DAPK1: variants seen among roughly 807,000 people sequenced by gnomAD.
DAPK1 encodes death-associated protein kinase 1.
In DAPK1, 56 loss-of-function variants were observed where a neutral mutation model predicts 144.9. The ratio of observed to expected loss-of-function variants is 0.39; its 90% CI spans 0.31 to 0.48. DAPK1 has a LOEUF of 0.48. Among genes scored for constraint, DAPK1 ranks in the 20% least tolerant of loss-of-function variants. The pLI is 0.95. For missense variants in DAPK1, 1,454 were observed against 1,875.4 expected (o/e 0.78, Z 4.15); for synonymous variants, 690 against 749.0 (o/e 0.92, Z 1.29).
chr9:87,614,746 G>A (rs1829038636), intron 3 of DAPK1, among the ~76,000 whole-genome samples: 3 of 152,118 alleles, frequency 2.0e-5, no homozygotes, highest in South Asian at 2.1e-4. Flanking sequence ...CATCCTTGTC[G>A]TGGGCTCCCC....
intron 2 of DAPK1, among the ~76,000 whole-genome samples, chr9:87,548,065 G>A (rs569261553): frequency 6.6e-6 from 1 of 152,306 alleles, no homozygotes; most frequent in East Asian, 1.9e-4. Flanking sequence ...CTTCACTGGG[G>A]CTTCTGTCAG....
chr9:87,543,959 G>C (rs901806095), intron 2 of DAPK1, among the ~76,000 whole-genome samples: 1 of 152,156 alleles, frequency 6.6e-6, no homozygotes, highest in East Asian at 1.9e-4. Flanking sequence ...AAATAATAAA[G>C]GTAGAAATTG....
chr9:87,625,030 T>C (rs2889980), intron 3 of DAPK1, among the ~76,000 whole-genome samples: 15,156 of 152,214 alleles, frequency 0.1, 1,003 homozygotes, highest in South Asian at 0.24. Context: ...TGTGTAGTCC[T>C]TAAGAAGGAA....
chr9:87,516,920 C>T (rs1414817320), intron 2 of DAPK1, among the ~76,000 whole-genome samples: 1 of 152,174 alleles, frequency 6.6e-6, no homozygotes, highest in Non-Finnish European at 1.5e-5. Context: ...TGGTCAGGTA[C>T]GTACTATCTG....
intron 2 of DAPK1, among the ~76,000 whole-genome samples, chr9:87,585,814 C>CTG (rs1827926356): frequency 6.6e-6 from 1 of 152,170 alleles, no homozygotes; most frequent in Admixed American, 6.5e-5. Context: ...ACAAGATGTG[C>CTG]TGTGTGTGTG....
chr9:87,621,159 C>G (rs1352561984), intron 3 of DAPK1, among the ~76,000 whole-genome samples: 1 of 152,226 alleles, frequency 6.6e-6, no homozygotes, highest in Non-Finnish European at 1.5e-5. Flanking sequence ...GATTCCCTCC[C>G]TTTCCTACCC....
chr9:87,514,201 C>A (rs940141879), intron 2 of DAPK1, among the ~76,000 whole-genome samples: 8 of 152,030 alleles, frequency 5.3e-5, no homozygotes, highest in African/African-American at 1.9e-4. Context: ...AAGAAAACAC[C>A]CCTGTGGAAT....
intron 18 of DAPK1, among the ~76,000 whole-genome samples, chr9:87,663,796 T>C (rs1830953034): frequency 6.6e-6 from 1 of 152,054 alleles, no homozygotes; most frequent in Non-Finnish European, 1.5e-5. Flanking sequence ...TCCCTCCAGT[T>C]CTGTGCTTCC....
intron 2 of DAPK1, among the ~76,000 whole-genome samples, chr9:87,566,651 C>A (rs1827137489): frequency 6.6e-6 from 1 of 152,116 alleles, no homozygotes; most frequent in Non-Finnish European, 1.5e-5. Context: ...CTAGCCTAGA[C>A]CAAACCTGGC....
chr9:87,682,091 G>A (rs532341698), intron 20 of DAPK1, among the ~76,000 whole-genome samples: 1 of 152,218 alleles, frequency 6.6e-6, no homozygotes, highest in South Asian at 2.1e-4. Flanking sequence ...ACCCAGTATT[G>A]TAGATACATA....
At position 87,529,162 on chromosome 9, in the gene DAPK1, C is replaced by A. The variant is rs190779505; in HGVS notation, c.62+30023C>A. On this transcript the variant is annotated intron_variant, in intron 2 of 25. Coordinates refer to ENST00000408954, the MANE Select transcript of DAPK1 (RefSeq NM_004938.4). ...AACCCCAAGTCAAAATGTTAAACCG[C>A]GTACTTGATCTCTCAAGTCGCCTCC... 3.2e-3 allele frequency among the ~76,000 whole-genome samples: 484 copies of A among 152,290 alleles called. 2 individuals are homozygous for A. The highest frequency in any genetic ancestry group is 0.011 in the African/African-American group (449 of 41,552).
intron 2 of DAPK1, among the ~76,000 whole-genome samples, chr9:87,588,566 T>C (rs1237586604): frequency 6.6e-6 from 1 of 152,180 alleles, no homozygotes; most frequent in African/African-American, 2.4e-5. Flanking sequence ...AGATGGCAAA[T>C]GGCAGAGGAG....
chr9:87,668,773 A>G (rs1197038661), intron 19 of DAPK1, 99 bp downstream of exon 19: 7 of 810,722 alleles, frequency 8.6e-6, no homozygotes, highest in South Asian at 5.6e-5. Context: ...ATGAGGCTCT[A>G]GACAGCCAGG....
intron 2 of DAPK1, among the ~76,000 whole-genome samples, chr9:87,582,793 TC>T (rs1393697763): frequency 1.3e-5 from 2 of 151,798 alleles, no homozygotes; most frequent in South Asian, 2.1e-4. Flanking sequence ...GACCTCGTGA[TC>T]CCCCCACCTC....
rs36231473 is a variant in DAPK1, at chr9:87,546,672, G to A, written c.62+47533G>A. On this transcript the variant is annotated intron_variant, in intron 2 of 25. Transcript: ENST00000408954. ...GCATGTTGGCTTTGGGTGACAAGAC[G>A]AATGAGCCTTTCTCTGTCTTTCCCC... Among the ~76,000 whole-genome samples the A allele has an allele frequency of 5.0e-3, 756 of 152,250 alleles. 5 individuals carry two copies. Among genetic ancestry groups the A allele is most frequent in the African/African-American group, 0.017 (697 of 41,544 alleles).
intron 19 of DAPK1, among the ~76,000 whole-genome samples, chr9:87,680,728 A>G (rs1488347316): frequency 1.3e-5 from 2 of 152,122 alleles, no homozygotes; most frequent in Non-Finnish European, 1.5e-5. Context: ...ATGCAATGGA[A>G]ATAGGCAGAT....
intron 3 of DAPK1, among the ~76,000 whole-genome samples, chr9:87,630,697 G>A (rs1186375987): frequency 6.6e-6 from 1 of 152,198 alleles, no homozygotes; most frequent in African/African-American, 2.4e-5. Flanking sequence ...AAACAGGGTA[G>A]TATGGTGGGA....
At chr9:87,624,953 G>A (rs968075294) in intron 3 of DAPK1, among the ~76,000 whole-genome samples, 1 of 152,226 alleles carries the variant, frequency 6.6e-6, no homozygotes, top group Admixed American at 6.5e-5. Flanking sequence ...TTGGCGTTCT[G>A]TGACCTCCAT....
intron 17 of DAPK1, among the ~76,000 whole-genome samples, chr9:87,654,400 G>A (rs1587815460): frequency 6.6e-6 from 1 of 152,172 alleles, no homozygotes; most frequent in East Asian, 1.9e-4. Context: ...TTTGTTGGAG[G>A]TAAAAGGATA....
Sources: gnomAD v4.1 joint callset for allele counts (sites outside exome capture counted in the v4.1 genomes callset) on GRCh38, gnomAD v4.1.1 for gene constraint, MANE v1.5 for transcripts, NCBI Gene and HGNC (gene_info 2026-07-23, HGNC 2026-07-21) for gene names.